The following CCNB1 variants were observed in gnomAD, a reference collection of about 807,000 sequenced individuals.
CCNB1 encodes the protein cyclin B1.
CCNB1 carries 26 observed loss-of-function variants against 44.4 expected under a neutral mutation model. The observed-to-expected ratio is 0.59, with a 90% confidence interval of 0.43 to 0.81. The LOEUF is 0.81. CCNB1 is among the 40% of genes least tolerant of loss of function. CCNB1 has a pLI of 0.00. For synonymous variants in CCNB1, 195 were observed against 181.4 expected, an observed-to-expected ratio of 1.08 and a Z score of -0.60; for missense variants, 477 against 520.9, an observed-to-expected ratio of 0.92 and a Z score of 0.82.
rs1267428867 is a variant in CCNB1, at chr5:69,175,057, G to A, written c.886G>A (p.Gly296Ser). Residue 296 changes from glycine (G) to serine (S), a missense_variant, in exon 6 of 9, where the codon GGT becomes AGT. Coordinates refer to ENST00000256442, the MANE Select transcript of CCNB1 (RefSeq NM_031966.4). ...EMKILRALNFGLGRPLPLHFL... is the reference protein window; with the variant it reads ...EMKILRALNFSLGRPLPLHFL... ...GAAGATTCTAAGAGCTTTAAACTTTGGTCTGGGTCGGCCTCTACCTTTGCA... is the reference window on the plus strand; with the variant it reads ...GAAGATTCTAAGAGCTTTAAACTTTAGTCTGGGTCGGCCTCTACCTTTGCA... The A allele has an allele frequency of 1.1e-5, 17 of 1,614,036 alleles. No individual in the cohort carries two copies. In the Admixed American group the frequency reaches 2.8e-4, roughly 27 times the overall value.
At position 69,177,628 on chromosome 5, in the gene CCNB1, G is replaced by T; in HGVS notation, c.1299G>T (p.Val433=). 6.3e-7 allele frequency: 1 copy of T among 1,597,514 alleles called. No homozygotes were observed. The highest frequency in any genetic ancestry group is 1.3e-5 in the African/African-American group (1 of 74,640). ...VQDLAKAVAK[V] is the part of the protein sequence containing the mutation. ...ATTTAGCCAAGGCTGTGGCAAAGGT[G>T]TAACTTGTAAACTTGAGTTGGAGTA... The change falls in exon 9 of 9, where the codon GTG becomes GTT. Residue 433 remains valine (V), a synonymous_variant. Transcript: ENST00000256442.
Position 69,177,861 on chromosome 5 carries a change from C to A in CCNB1, c.*230C>A, listed in dbSNP as rs1402743833. On this transcript the variant is annotated 3_prime_UTR_variant, in exon 9 of 9. Transcript: ENST00000256442. The stretch of plus-strand genomic sequence containing the variant: ...ACTCCTTTTGGTTTACCTGGGGATC[C>A]AATTGATGTATATGTTTATATACTG... 7 of 448,666 alleles carry A rather than the reference C, an allele frequency of 1.6e-5. No homozygotes were observed. The highest frequency in any genetic ancestry group is 2.0e-5 in the Non-Finnish European group (5 of 252,090). 27.8% of individuals were successfully genotyped at this position (448,666 alleles called of 1,614,324 possible). A position where few individuals can be genotyped will look rare whatever the true frequency, so the allele number is the denominator to read the frequency against.
At chr5:69,168,885 A>C (rs1443301224) in intron 3 of CCNB1, among the ~76,000 whole-genome samples, 2 of 152,216 alleles carry the variant, frequency 1.3e-5, no homozygotes, top group African/African-American at 4.8e-5. Context: ...TAAGAAGATG[A>C]ATTAACACTT....
At chr5:69,171,143 T>TA in intron 3 of CCNB1, 127 bp from the exon 4 acceptor site, 2 of 625,006 alleles carry the variant, frequency 3.2e-6, no homozygotes, top group South Asian at 4.5e-5. Flanking sequence ...ACTTTTCCTT[T>TA]AAGGAAATGA....
At chr5:69,176,417 C>T (rs1209116383) in intron 7 of CCNB1, among the ~76,000 whole-genome samples, 1 of 151,660 alleles carries the variant, frequency 6.6e-6, no homozygotes, top group Admixed American at 6.6e-5. Context: ...AGAGCAGTGG[C>T]GTGATCTCGG....
chr5:69,168,131 C>G, intron 2 of CCNB1, 42 bp from the exon 3 acceptor site: 1 of 1,611,082 alleles, frequency 6.2e-7, no homozygotes, highest in South Asian at 1.1e-5. Flanking sequence ...CAACTGTGGC[C>G]TTTGATGCAG....
chr5:69,167,997 C>G lies in CCNB1; in HGVS notation c.111C>G (p.Pro37=), dbSNP rs1002946303. The G allele has an allele frequency of 2.1e-5, 34 of 1,614,106 alleles. No individual in the cohort carries two copies. Among genetic ancestry groups the G allele is most frequent in the Non-Finnish European group, 2.6e-5 (31 of 1,180,054 alleles). ...VPTAPAATSK[P]GLRPRTALGD... ...CGGCCCCTGCTGCAACCTCCAAGCC[C>G]GGACTGAGGCCAAGAACAGCTCTTG... Residue 37 remains proline (P), a synonymous_variant, in exon 2 of 9, where the codon CCC becomes CCG. Coordinates refer to ENST00000256442, the MANE Select transcript of CCNB1 (RefSeq NM_031966.4).
In CCNB1 at chr5:69,175,421, G is replaced by A; in HGVS notation, c.967G>A (p.Ala323Thr). ...GEVDVEQHTL[A>T]KYLMELTMLD... ...GGTTGATGTCGAGCAACATACTTTG[G>A]CCAAATACCTGATGGAACTAACTAT... Residue 323 changes from alanine (A) to threonine (T), a missense_variant, in exon 7 of 9, where the codon GCC becomes ACC. Ala to Thr is a moderately conservative substitution (Grantham distance 58). Transcript: ENST00000256442. The A allele has an allele frequency of 6.2e-7, 1 of 1,613,612 alleles. No individual in the cohort carries two copies. Among genetic ancestry groups the A allele is most frequent in the Non-Finnish European group, 8.5e-7 (1 of 1,179,922 alleles).
rs772003288 is a variant in CCNB1 at position 69,168,162 on chromosome 5, T to G, written c.193-11T>G. 2.5e-6 allele frequency: 4 copies of G among 1,613,516 alleles called. No homozygotes were observed. The Admixed American group carries it at 6.7e-5, about 27-fold the overall frequency. On this transcript the variant is annotated splice_polypyrimidine_tract_variant and intron_variant, in intron 2 of 8. Transcript: ENST00000256442. ...TGCAGAAACATTTCATTCTCTCTGT[T>G]TCATCTACAGGAAGCAAAACCTTCA...
intron 4 of CCNB1, among the ~76,000 whole-genome samples, chr5:69,173,261 T>C (rs773740318): frequency 6.6e-6 from 1 of 152,186 alleles, no homozygotes. Context: ...CTGTAAGATG[T>C]AGATCTCTGC....
At chr5:69,176,409 A>T (rs972138531) in intron 7 of CCNB1, among the ~76,000 whole-genome samples, 136 of 151,112 alleles carry the variant, frequency 9.0e-4, no homozygotes, top group Middle Eastern at 3.4e-3. Flanking sequence ...CAGGCTGGAG[A>T]GCAGTGGCGT....
At chr5:69,174,217 T>C (rs1437632704) in intron 4 of CCNB1, 34 bp from the exon 5 acceptor site, 2 of 1,606,714 alleles carry the variant, frequency 1.2e-6, no homozygotes, top group East Asian at 2.2e-5. Flanking sequence ...CATGGAGTCA[T>C]GTTTCTAAGA....
At position 69,177,754 on chromosome 5, in the gene CCNB1, T is replaced by A; in HGVS notation, c.*123T>A. 1 of 625,870 alleles carries A rather than the reference T, an allele frequency of 1.6e-6. No homozygotes were observed. The highest frequency in any genetic ancestry group is 2.8e-6 in the Non-Finnish European group (1 of 351,776). 38.8% of individuals were successfully genotyped at this position (625,870 alleles called of 1,614,324 possible). On this transcript the variant is annotated 3_prime_UTR_variant, in exon 9 of 9. Transcript: ENST00000256442. ...TGGCCCCTTTTACTTTTTTATAGCT[T>A]AACTAATTTGAATGTGGTTACTTCC...
intron 7 of CCNB1, among the ~76,000 whole-genome samples, chr5:69,176,379 C>T (rs1379923991): frequency 2.0e-5 from 3 of 151,366 alleles, no homozygotes; most frequent in East Asian, 2.0e-4. Flanking sequence ...TTTTTCGAGA[C>T]GGAGTCTCTC....
chr5:69,175,982 A>ATATAT (rs1747577532), intron 7 of CCNB1, among the ~76,000 whole-genome samples: 1 of 116,408 alleles, frequency 8.6e-6, no homozygotes, highest in Non-Finnish European at 1.7e-5. Context: ...AAATATATAA[A>ATATAT]ATATATATAT....
rs1747550003 is a variant in CCNB1 at position 69,174,958 on chromosome 5, C to A, written c.787C>A (p.Pro263Thr). 1 of 1,614,078 alleles carries A rather than the reference C, an allele frequency of 6.2e-7. No homozygotes were observed. Among genetic ancestry groups the A allele is most frequent in the Non-Finnish European group, 8.5e-7 (1 of 1,180,026 alleles). The change falls in exon 6 of 9, where the codon CCT (proline) becomes ACT (threonine). Residue 263 changes from proline to threonine, a missense_variant. Physicochemically the swap from Pro to Thr is conservative, Grantham distance 38. Coordinates refer to ENST00000256442, the MANE Select transcript of CCNB1 (RefSeq NM_031966.4). ...FIASKYEEMYPPEIGDFAFVT... is the reference protein window; with the variant it reads ...FIASKYEEMYTPEIGDFAFVT... Reference sequence around the variant, plus strand: ...TGCAAGCAAATATGAAGAAATGTACCCTCCAGAAATTGGTGACTTTGCTTT... The same window carrying A: ...TGCAAGCAAATATGAAGAAATGTACACTCCAGAAATTGGTGACTTTGCTTT...
At chr5:69,176,380 G>A (rs1420634376) in intron 7 of CCNB1, among the ~76,000 whole-genome samples, 2 of 151,142 alleles carry the variant, frequency 1.3e-5, no homozygotes, top group African/African-American at 2.4e-5. Context: ...TTTTCGAGAC[G>A]GAGTCTCTCT....
At chr5:69,175,617 A>C in intron 7 of CCNB1, 80 bp downstream of exon 7, 1 of 1,324,580 alleles carries the variant, frequency 7.5e-7, no homozygotes, top group Non-Finnish European at 1.1e-6. Context: ...ATTAAAAGGC[A>C]ATTCAAGTGG....
chr5:69,167,185 G>A lies in CCNB1; in HGVS notation c.-78G>A. On this transcript the variant is annotated 5_prime_UTR_variant, in exon 1 of 9. Transcript: ENST00000256442. Reference sequence around the variant, plus strand: ...GGCGGAACGGCTGTTGGTTTCTGCTGGGTGTAGGTCCTTGGCTGGTCGGGC... The same window carrying A: ...GGCGGAACGGCTGTTGGTTTCTGCTAGGTGTAGGTCCTTGGCTGGTCGGGC... 7.8e-7 allele frequency: 1 copy of A among 1,275,652 alleles called. No individual in the cohort carries two copies. The highest frequency in any genetic ancestry group is 1.1e-6 in the Non-Finnish European group (1 of 931,732). The allele number at this position is 1,275,652 out of a possible 1,614,324, so 79.0% of individuals were successfully genotyped here.
Sources: allele counts gnomAD v4.1 joint callset (sites outside exome capture counted in the v4.1 genomes callset), GRCh38; gene constraint gnomAD v4.1.1; transcripts MANE v1.5; gene names NCBI Gene and HGNC (gene_info 2026-07-23, HGNC 2026-07-21).